CCNA1: variants seen among roughly 807,000 people sequenced by gnomAD.
The protein encoded by CCNA1 is cyclin A1, also known as cyclin-A1.
CCNA1 carries 23 observed loss-of-function variants against 54.1 expected under a neutral mutation model. The observed-to-expected ratio is 0.42, with a 90% CI of 0.31 to 0.60. The LOEUF is 0.60. Ranked by LOEUF, CCNA1 falls within the 20% of genes least tolerant of loss-of-function variation. The pLI is 0.14. For synonymous variants in CCNA1, 208 were observed against 213.9 expected, an observed-to-expected ratio of 0.97 and a Z score of 0.24; for missense variants, 450 against 556.7, an observed-to-expected ratio of 0.81 and a Z score of 1.93.
chr13:36,433,864 G>A (rs1361959410), intron 2 of CCNA1, among the ~76,000 whole-genome samples: 1 of 152,124 alleles, frequency 6.6e-6, no homozygotes, highest in African/African-American at 2.4e-5. Flanking sequence ...AGATCACCTT[G>A]AGGGGTTCGG....
chr13:36,434,833 C>CCG (rs66990202), intron 2 of CCNA1, among the ~76,000 whole-genome samples: 31,464 of 148,940 alleles, frequency 0.21, 3,998 homozygotes, highest in Non-Finnish European at 0.27. Flanking sequence ...GGTGCCCCCC[C>CCG]CCCCGCGCCA....
chr13:36,440,314 G>C, intron 6 of CCNA1, 131 bp downstream of exon 6: 1 of 788,058 alleles, frequency 1.3e-6, no homozygotes. Flanking sequence ...CTGTTCCAGT[G>C]CTGAAAAAGA....
Position 36,432,520 on chromosome 13 carries a change from A to T in CCNA1, c.-102A>T. The T allele has an allele frequency of 1.5e-6, 1 of 667,642 alleles. No individual in the cohort carries two copies. Among genetic ancestry groups the T allele is most frequent in the Non-Finnish European group, 2.6e-6 (1 of 385,060 alleles). The allele number at this position is 667,642 out of a possible 1,614,324, so 41.4% of individuals were successfully genotyped here. On this transcript the variant is annotated 5_prime_UTR_variant, in exon 1 of 9. Coordinates refer to ENST00000255465, the MANE Select transcript of CCNA1 (RefSeq NM_003914.4). ...AGTTGTTCCGGACACATAGAAAGAT[A>T]ACGACGGGAAGAGCGGGGCCCGCTT...
chr13:36,441,559 A>G (rs1265964161), intron 7 of CCNA1, among the ~76,000 whole-genome samples: 3 of 152,172 alleles, frequency 2.0e-5, no homozygotes, highest in Non-Finnish European at 4.4e-5. Context: ...TTTACCTTCT[A>G]TATTAAAAAC....
chr13:36,439,984 A>T lies in CCNA1; in HGVS notation c.899A>T (p.Tyr300Phe). ...GAAAACTCTTCCTTTCCCAGGAAAT[A>T]TGAAGAGATATATCCTCCTGAAGTA... The change falls in exon 6 of 9, where the codon TAT (tyrosine) becomes TTT (phenylalanine). Residue 300 changes from tyrosine (Y) to phenylalanine (F), a missense_variant. Physicochemically the swap from Tyr to Phe is conservative, Grantham distance 22. Transcript: ENST00000255465. 1 of 1,606,842 alleles carries T rather than the reference A, an allele frequency of 6.2e-7. No homozygotes were observed. The highest frequency in any genetic ancestry group is 1.1e-5 in the South Asian group (1 of 90,908).
In CCNA1 at chr13:36,437,301, G is replaced by A. The variant is rs182125861; in HGVS notation, c.298-328G>A. Among the ~76,000 whole-genome samples the A allele has an allele frequency of 3.4e-3, 525 of 152,262 alleles. 8 individuals are homozygous for A. The highest frequency in any genetic ancestry group is 0.012 in the African/African-American group (497 of 41,550). ...CTATAAATATGAAAGCCAATTTACA[G>A]TTTTCCCTTTATATGTGGTACCCAT... On this transcript the variant is annotated intron_variant, in intron 2 of 8. Transcript: ENST00000255465.
rs1163912472 is a variant in CCNA1 at position 36,440,208 on chromosome 13, G to T, written c.1098+25G>T. On this transcript the variant is annotated intron_variant, in intron 6 of 8. Transcript: ENST00000255465. ...GGTGTGTATGCCGCGTGATTTCTAG[G>T]AACTTCCAGTGCCAAGGAGCGTAAA... is the stretch of plus-strand genomic sequence containing the variant. The T allele has an allele frequency of 3.8e-6, 6 of 1,589,850 alleles. No homozygotes were observed. The highest frequency in any genetic ancestry group is 5.2e-6 in the Non-Finnish European group (6 of 1,159,012).
chr13:36,435,061 A>T (rs2055785416), intron 2 of CCNA1, among the ~76,000 whole-genome samples: 1 of 152,174 alleles, frequency 6.6e-6, no homozygotes, highest in African/African-American at 2.4e-5. Context: ...TTGTAAAATC[A>T]CCTTGACCGG....
At chr13:36,438,620 A>G (rs375140740) in intron 4 of CCNA1, 24 bp from the exon 5 acceptor site, 50 of 1,565,762 alleles carry the variant, frequency 3.2e-5, no homozygotes, top group Non-Finnish European at 4.0e-5. Context: ...CAACTACTAA[A>G]TATCAAAACC....
In CCNA1 at chr13:36,442,671, T is replaced by C; in HGVS notation, c.*6T>C. Reference sequence around the variant, plus strand: ...CAGTTCTTCTTCTACAATAAGTTTCTGAATGGAAGCACTTCCAGAACTTCA... The same window carrying C: ...CAGTTCTTCTTCTACAATAAGTTTCCGAATGGAAGCACTTCCAGAACTTCA... On this transcript the variant is annotated 3_prime_UTR_variant, in exon 9 of 9. Coordinates refer to ENST00000255465, the MANE Select transcript of CCNA1 (RefSeq NM_003914.4). The C allele has an allele frequency of 6.2e-7, 1 of 1,612,934 alleles. No individual in the cohort carries two copies. Among genetic ancestry groups the C allele is most frequent in the African/African-American group, 1.3e-5 (1 of 75,042 alleles).
chr13:36,432,992 GAATCGACTA>G (rs1378394872), intron 1 of CCNA1, 32 bp from the exon 2 acceptor site: 3 of 1,581,232 alleles, frequency 1.9e-6, no homozygotes, highest in Admixed American at 1.7e-5. Context: ...GGGGTGGACG[GAATCGACTA>G]AACAGCTTGT....
At chr13:36,435,960 A>ACC (rs1043700082) in intron 2 of CCNA1, among the ~76,000 whole-genome samples, 1 of 151,970 alleles carries the variant, frequency 6.6e-6, no homozygotes, top group African/African-American at 2.4e-5. Flanking sequence ...TTTTTCTCTC[A>ACC]CCCCACATCT....
chr13:36,435,256 CAT>C (rs2055788411), intron 2 of CCNA1, among the ~76,000 whole-genome samples: 1 of 152,198 alleles, frequency 6.6e-6, no homozygotes, highest in African/African-American at 2.4e-5. Flanking sequence ...CGTATCTTGA[CAT>C]ATATAATGTT....
At chr13:36,435,701 ACTCT>A (rs2055795296) in intron 2 of CCNA1, among the ~76,000 whole-genome samples, 1 of 151,896 alleles carries the variant, frequency 6.6e-6, no homozygotes, top group African/African-American at 2.4e-5. Context: ...AGCATTAAAC[ACTCT>A]CTATTTGGTG....
At chr13:36,433,423 T>TTTCTTTCG (rs1555269912) in intron 2 of CCNA1, among the ~76,000 whole-genome samples, 7 of 121,246 alleles carry the variant, frequency 5.8e-5, no homozygotes, top group African/African-American at 2.2e-4. Flanking sequence ...TCTTTCTTTC[T>TTTCTTTCG]TTCTTTCTTT....
rs267603812 is a variant in CCNA1 at position 36,440,146 on chromosome 13, G to T, written c.1061G>T (p.Arg354Leu). The T allele has an allele frequency of 2.5e-6, 4 of 1,614,058 alleles. No individual in the cohort carries two copies. The South Asian group carries it at 3.3e-5, about 13-fold the overall frequency. Residue 354 changes from arginine to leucine, a missense_variant, in exon 6 of 9, where the codon CGA (arginine) becomes CTA (leucine). Arg to Leu is a moderately radical substitution (Grantham distance 102, BLOSUM62 -2). Transcript: ENST00000255465. Reference sequence around the variant, plus strand: ...CAGTTTCTCCTTCAGTACTTGAGGCGACAAGGAGTGTGCGTCAGGACTGAG... The same window carrying T: ...CAGTTTCTCCTTCAGTACTTGAGGCTACAAGGAGTGTGCGTCAGGACTGAG...
At chr13:36,434,832 C>G (rs987597410) in intron 2 of CCNA1, among the ~76,000 whole-genome samples, 1 of 120,446 alleles carries the variant, frequency 8.3e-6, no homozygotes, top group Admixed American at 8.2e-5. Flanking sequence ...AGGTGCCCCC[C>G]CCCCCGCGCC....
intron 2 of CCNA1, among the ~76,000 whole-genome samples, chr13:36,435,676 G>C (rs1417369201): frequency 6.6e-6 from 1 of 152,136 alleles, no homozygotes; most frequent in Non-Finnish European, 1.5e-5. Context: ...TCCCTTAGTA[G>C]CCTCTTAGTC....
intron 4 of CCNA1, 125 bp from the exon 5 acceptor site, chr13:36,438,519 G>A: frequency 4.3e-6 from 3 of 702,994 alleles, no homozygotes; most frequent in Non-Finnish European, 7.1e-6. Context: ...TTATGATAAA[G>A]ATTTATTTGG....
Sources: allele counts gnomAD v4.1 joint callset (sites outside exome capture counted in the v4.1 genomes callset), GRCh38; gene constraint gnomAD v4.1.1; transcripts MANE v1.5; gene names NCBI Gene and HGNC (gene_info 2026-07-23, HGNC 2026-07-21).